Variants in KNL1 observed in about 807,000 individuals in gnomAD.
The protein encoded by KNL1 is kinetochore scaffold 1.
KNL1 carries 66 observed loss-of-function variants against 201.3 expected under a neutral mutation model. The observed-to-expected ratio is 0.33, with a 90% CI of 0.27 to 0.40. The LOEUF (loss-of-function observed/expected upper bound fraction) is 0.40. Among genes scored for constraint, KNL1 ranks in the 10% least tolerant of loss-of-function variants. The probability of loss-of-function intolerance (pLI) is 1.00; values close to 1 mark genes in which losing one functional copy is unlikely to be tolerated. For missense variants in KNL1, 2,815 were observed against 2,690.5 expected, an observed-to-expected ratio of 1.05 and a Z score of -1.02; for synonymous variants, 895 against 899.2, an observed-to-expected ratio of 1.00 and a Z score of 0.08.
At chr15:40,632,741 C>T (rs1331985071) in intron 13 of KNL1, among the ~76,000 whole-genome samples, 1 of 152,096 alleles carries the variant, frequency 6.6e-6, no homozygotes, top group Non-Finnish European at 1.5e-5. Flanking sequence ...CAATTTAGGC[C>T]TGGCTTGGTA....
At chr15:40,597,342 C>A (rs975231302) in intron 1 of KNL1, among the ~76,000 whole-genome samples, 2 of 152,160 alleles carry the variant, frequency 1.3e-5, no homozygotes, top group Non-Finnish European at 2.9e-5. Flanking sequence ...GCAATCTCTA[C>A]CTCCTGGGTT....
At chr15:40,614,219 T>C (rs1006327333) in intron 7 of KNL1, among the ~76,000 whole-genome samples, 1 of 151,686 alleles carries the variant, frequency 6.6e-6, no homozygotes, top group African/African-American at 2.4e-5. Context: ...TGCCTCAGCC[T>C]CCCGAGTACC....
At chr15:40,654,036 T>G (rs12903817) in intron 21 of KNL1, among the ~76,000 whole-genome samples, 54,813 of 152,038 alleles carry the variant, frequency 0.36, 10,580 homozygotes, top group Non-Finnish European at 0.44. Flanking sequence ...TGCAGTTGTG[T>G]GTCTCCCTGA....
chr15:40,620,337 C>G (rs930026965), intron 9 of KNL1, among the ~76,000 whole-genome samples: 1 of 152,104 alleles, frequency 6.6e-6, no homozygotes, highest in Admixed American at 6.6e-5. Context: ...TCCCGAGTAG[C>G]TGGGACTACA....
intron 18 of KNL1, 28 bp from the exon 19 acceptor site, chr15:40,650,515 CT>C (rs1893522241): frequency 8.3e-6 from 12 of 1,443,616 alleles, no homozygotes; most frequent in Non-Finnish European, 8.4e-6. Flanking sequence ...TATGTTTGTT[CT>C]GTTTTTTTTT....
intron 11 of KNL1, 73 bp from the exon 12 acceptor site, chr15:40,628,538 C>G: frequency 3.8e-6 from 4 of 1,057,978 alleles, no homozygotes; most frequent in South Asian, 1.4e-5. Flanking sequence ...CAGAAACAAT[C>G]TGAATGATAA....
intron 1 of KNL1, among the ~76,000 whole-genome samples, chr15:40,594,904 C>T (rs1341775018): frequency 1.3e-5 from 2 of 152,216 alleles, no homozygotes; most frequent in Non-Finnish European, 2.9e-5. Flanking sequence ...TCGTTTTCTG[C>T]AAGTATAATA....
chr15:40,605,989 T>C (rs1457926721), intron 3 of KNL1, among the ~76,000 whole-genome samples: 10 of 152,240 alleles, frequency 6.6e-5, no homozygotes, highest in Non-Finnish European at 1.3e-4. Context: ...ACGTGAAGAA[T>C]AGTGTCTTTT....
Position 40,663,495 on chromosome 15 carries a change from G to T in KNL1, c.*1307G>T. 5.3e-6 allele frequency: 1 copy of T among 189,076 alleles called. No homozygotes were observed. Among genetic ancestry groups the T allele is most frequent in the Non-Finnish European group, 1.1e-5 (1 of 89,966 alleles). 11.7% of individuals were successfully genotyped at this position (189,076 alleles called of 1,614,324 possible). ...ACATAGAAATTCATTGAGGTATATAGATACTCATCTGTCTAGGCAGTTCCC... is the reference window on the plus strand; with the variant it reads ...ACATAGAAATTCATTGAGGTATATATATACTCATCTGTCTAGGCAGTTCCC... On this transcript the variant is annotated 3_prime_UTR_variant, in exon 26 of 26. Transcript: ENST00000399668.
chr15:40,629,139 A>G (rs996644157), intron 12 of KNL1, 134 bp from the exon 13 acceptor site: 1 of 524,224 alleles, frequency 1.9e-6, no homozygotes, highest in Non-Finnish European at 3.4e-6. Context: ...CTGCTCATGT[A>G]TAGCCTGCAG....
rs375680331 is a variant in KNL1, at chr15:40,600,351, A to G, written c.-17-2564A>G. Among the ~76,000 whole-genome samples the G allele has an allele frequency of 1.6e-4, 24 of 152,352 alleles. No homozygotes were observed. The East Asian group carries it at 4.4e-3, about 28-fold the overall frequency. On this transcript the variant is annotated intron_variant, in intron 1 of 25. Coordinates refer to ENST00000399668, the MANE Select transcript of KNL1 (RefSeq NM_144508.5). ...TGGCCTCCCAAAGTGTTGGGATTAC[A>G]GGCATGGGCCACCACGCCCGGCTAT...
chr15:40,660,508 TACAAAAAATTAG>T (rs1893877066), intron 25 of KNL1, among the ~76,000 whole-genome samples: 1 of 151,102 alleles, frequency 6.6e-6, no homozygotes, highest in African/African-American at 2.4e-5. Flanking sequence ...CTACTAAAAA[TACAAAAAATTAG>T]CCAGGCGTGG....
chr15:40,624,891 C>T lies in KNL1; in HGVS notation c.4627C>T (p.Pro1543Ser). 6.2e-7 allele frequency: 1 copy of T among 1,612,674 alleles called. No homozygotes were observed. Among genetic ancestry groups the T allele is most frequent in the Non-Finnish European group, 8.5e-7 (1 of 1,179,732 alleles). Residue 1543 changes from proline to serine, a missense_variant, in exon 10 of 26, where the codon CCA becomes TCA. Around this residue, in one of 3 missense-constraint regions of KNL1, gnomAD observed 2,464 missense variants for 2,291.7 expected, o/e 1.08. Transcript: ENST00000399668. ...AACTCATGTCAATGCTGGAGAAGCACCAGATCCTGTAATTACATCTAATGT... is the reference window on the plus strand; with the variant it reads ...AACTCATGTCAATGCTGGAGAAGCATCAGATCCTGTAATTACATCTAATGT... ...IQTHVNAGEA[P>S]DPVITSNVPC...
chr15:40,637,131 T>C (rs144868062), intron 13 of KNL1, among the ~76,000 whole-genome samples: 3 of 151,874 alleles, frequency 2.0e-5, no homozygotes, highest in South Asian at 2.1e-4. Context: ...TCTAGTCTTA[T>C]AATCTATAAG....
chr15:40,609,842 T>A lies in KNL1; in HGVS notation c.198-403T>A, dbSNP rs147064902. ...GTAACAAATGGCTCAGAATCTTAGT[T>A]AAAAATAAATAAATAAATAAATAAA... On this transcript the variant is annotated intron_variant, in intron 5 of 25. Transcript: ENST00000399668. 1.7e-3 allele frequency among the ~76,000 whole-genome samples: 251 copies of A among 152,040 alleles called. 3 individuals are homozygous for A. Among genetic ancestry groups the A allele is most frequent in the African/African-American group, 5.9e-3 (242 of 41,356 alleles).
chr15:40,649,063 C>A (rs1441514203), intron 17 of KNL1, among the ~76,000 whole-genome samples: 16 of 149,858 alleles, frequency 1.1e-4, no homozygotes, highest in African/African-American at 3.9e-4. Flanking sequence ...ATCTCGAACT[C>A]CCGACCTCAG....
Position 40,662,075 on chromosome 15 carries a change from C to G in KNL1, c.6838C>G (p.Gln2280Glu), listed in dbSNP as rs922889968. The G allele has an allele frequency of 6.4e-7, 1 of 1,559,478 alleles. No individual in the cohort carries two copies. Among genetic ancestry groups the G allele is most frequent in the Non-Finnish European group, 8.8e-7 (1 of 1,130,786 alleles). ...TTGATTAACCTTTGTTCTTTCCAGC[C>G]AAGATGATATTGCTACCATTCTATC... ...TIQNHVGNTSQDDIATILSKV... is the reference protein window; with the variant it reads ...TIQNHVGNTSEDDIATILSKV... The change falls in exon 26 of 26, where the codon CAA becomes GAA. Residue 2280 changes from glutamine to glutamate, a missense_variant and splice_region_variant. Transcript: ENST00000399668.
At chr15:40,608,479 A>C (rs939637252) in intron 4 of KNL1, among the ~76,000 whole-genome samples, 5 of 149,918 alleles carry the variant, frequency 3.3e-5, no homozygotes, top group Admixed American at 2.7e-4. Flanking sequence ...GCAGGGGCCC[A>C]TGGCTATAAT....
At position 40,629,254 on chromosome 15, in the gene KNL1, CTTT is replaced by C; in HGVS notation, c.5584-13_5584-11del. 1 of 1,497,724 alleles carries C rather than the reference CTTT, an allele frequency of 6.7e-7. No individual in the cohort carries two copies. Among genetic ancestry groups the C allele is most frequent in the Non-Finnish European group, 9.1e-7 (1 of 1,103,698 alleles). The allele number at this position is 1,497,724 out of a possible 1,614,324, so 92.8% of individuals were successfully genotyped here. A position where few individuals can be genotyped will look rare whatever the true frequency, so the allele number is the denominator to read the frequency against. ...AAATCACATTGAATGGTCATGCAAA[CTTT>C]TTTTTCTTTTCTCAGAAACTCCAAG... is the stretch of plus-strand genomic sequence containing the variant. On this transcript the variant is annotated splice_polypyrimidine_tract_variant and intron_variant, in intron 12 of 25. Coordinates refer to ENST00000399668, the MANE Select transcript of KNL1 (RefSeq NM_144508.5).
Sources: gnomAD v4.1 joint callset for allele counts (sites outside exome capture counted in the v4.1 genomes callset) on GRCh38, gnomAD v4.1.1 for gene constraint, gnomAD v4.1.1 regional missense constraint, MANE v1.5 for transcripts, NCBI Gene and HGNC (gene_info 2026-07-23, HGNC 2026-07-21) for gene names.